Variants in ANKRD33B observed in about 807,000 individuals in gnomAD.
ANKRD33B encodes ankyrin repeat domain 33B.
A neutral mutation model predicts 21.5 loss-of-function variants in ANKRD33B; 6 were observed. The ratio of observed to expected loss-of-function variants is 0.28; its 90% CI spans 0.15 to 0.55. The LOEUF (loss-of-function observed/expected upper bound fraction) is 0.55. Among genes scored for constraint, ANKRD33B ranks in the 20% least tolerant of loss-of-function variants. ANKRD33B has a pLI of 0.94. For missense variants in ANKRD33B, 698 were observed against 747.2 expected, an observed-to-expected ratio of 0.93 and a Z score of 0.77; for synonymous variants, 347 against 342.4, an observed-to-expected ratio of 1.01 and a Z score of -0.15.
intron 1 of ANKRD33B, among the ~76,000 whole-genome samples, chr5:10,565,658 A>G (rs1487729371): frequency 6.6e-6 from 1 of 152,230 alleles, no homozygotes; most frequent in Non-Finnish European, 1.5e-5. Context: ...GGAAAAGAAA[A>G]AAAGTTGGCT....
At chr5:10,599,201 T>C (rs766489095) in intron 1 of ANKRD33B, among the ~76,000 whole-genome samples, 3 of 152,156 alleles carry the variant, frequency 2.0e-5, no homozygotes, top group Non-Finnish European at 4.4e-5. Context: ...AACATAATGG[T>C]TTTGAGATTT....
intron 1 of ANKRD33B, 44 bp downstream of exon 1, chr5:10,564,877 C>G: frequency 1.4e-6 from 2 of 1,460,346 alleles, no homozygotes; most frequent in Admixed American, 2.3e-5. Flanking sequence ...TCACTGCCCC[C>G]ACTCCCCTCC....
At position 10,564,914 on chromosome 5, in the gene ANKRD33B, G is replaced by C. The variant is rs1579704023; in HGVS notation, c.366+81G>C. On this transcript the variant is annotated intron_variant, in intron 1 of 3. Transcript: ENST00000296657. The stretch of plus-strand genomic sequence containing the variant: ...CCCCACCACATCCCCGCGCCTCCCA[G>C]CTCCTGGCTCCGGACCGGTCCCTCG... 2.0e-5 allele frequency: 28 copies of C among 1,426,218 alleles called. No individual in the cohort carries two copies. In the East Asian group the frequency reaches 7.1e-4, roughly 36 times the overall value. 88.3% of individuals were successfully genotyped at this position (1,426,218 alleles called of 1,614,324 possible). A position where few individuals can be genotyped will look rare whatever the true frequency, so the allele number is the denominator to read the frequency against.
chr5:10,626,160 C>T (rs967880708), intron 2 of ANKRD33B, among the ~76,000 whole-genome samples: 2 of 152,250 alleles, frequency 1.3e-5, no homozygotes, highest in African/African-American at 4.8e-5. Context: ...CACCCTGGTC[C>T]CCTGCTGAGC....
intron 1 of ANKRD33B, among the ~76,000 whole-genome samples, chr5:10,570,354 C>A (rs1033565257): frequency 2.0e-5 from 3 of 152,168 alleles, no homozygotes; most frequent in African/African-American, 7.2e-5. Context: ...TGGTCAGCTG[C>A]GAATGGCAAG....
At chr5:10,625,407 G>A (rs72643798) in intron 2 of ANKRD33B, among the ~76,000 whole-genome samples, 38,627 of 152,134 alleles carry the variant, frequency 0.25, 5,575 homozygotes, top group East Asian at 0.63. Flanking sequence ...AAACACACAC[G>A]TATGTATGTG....
chr5:10,620,647 T>C (rs1736400744), intron 2 of ANKRD33B, among the ~76,000 whole-genome samples: 1 of 152,224 alleles, frequency 6.6e-6, no homozygotes, highest in South Asian at 2.1e-4. Flanking sequence ...TGCAGGTGTT[T>C]TGATTTTATA....
At chr5:10,606,141 T>G (rs1736040853) in intron 1 of ANKRD33B, among the ~76,000 whole-genome samples, 1 of 152,176 alleles carries the variant, frequency 6.6e-6, no homozygotes, top group Non-Finnish European at 1.5e-5. Flanking sequence ...GGGAATACAG[T>G]TGAACAAAGT....
intron 1 of ANKRD33B, among the ~76,000 whole-genome samples, chr5:10,570,903 C>CTTTT (rs11301499): frequency 3.9e-5 from 5 of 126,838 alleles, no homozygotes; most frequent in African/African-American, 1.2e-4. Context: ...CTCAAATAAC[C>CTTTT]TTTTTTTTTT....
chr5:10,607,182 A>C (rs1010078342), intron 1 of ANKRD33B, among the ~76,000 whole-genome samples: 1 of 152,224 alleles, frequency 6.6e-6, no homozygotes, highest in African/African-American at 2.4e-5. Context: ...CACACTCAGA[A>C]TAGACTGTGA....
At chr5:10,602,164 G>T (rs781692780) in intron 1 of ANKRD33B, among the ~76,000 whole-genome samples, 3 of 152,222 alleles carry the variant, frequency 2.0e-5, no homozygotes, top group Non-Finnish European at 2.9e-5. Context: ...TCGGTGCCTG[G>T]GTGTAGAGAT....
chr5:10,607,954 C>T (rs10070572), intron 1 of ANKRD33B, among the ~76,000 whole-genome samples: 4 of 152,176 alleles, frequency 2.6e-5, no homozygotes, highest in Admixed American at 6.5e-5. Context: ...GGCGTCCTCT[C>T]GTGACCTGTG....
rs1478185514 is a variant in ANKRD33B, at chr5:10,564,763, G to T, written c.296G>T (p.Gly99Val). ...CGCGCCGCCTGCGCCAACAACGTGG[G>T]GCTGCTGCGGACGCTGGTGCGGCGC... ...LLRAACANNV[G>V]LLRTLVRRGV... is the part of the protein sequence containing the mutation. The change falls in exon 1 of 4, where the codon GGG becomes GTG. Residue 99 changes from glycine (G) to valine (V), a missense_variant. This residue lies in a region of ANKRD33B where 148 missense variants were observed against 154.9 expected (regional missense o/e 0.96). Transcript: ENST00000296657. 6.5e-7 allele frequency: 1 copy of T among 1,527,842 alleles called. No individual in the cohort carries two copies. The highest frequency in any genetic ancestry group is 8.8e-7 in the Non-Finnish European group (1 of 1,141,758). 94.6% of individuals were successfully genotyped at this position (1,527,842 alleles called of 1,614,324 possible).
rs1278556892 is a variant in ANKRD33B at position 10,655,771 on chromosome 5, CTG to C, written c.*5663_*5664del. 6.6e-6 allele frequency: 1 copy of C among 152,436 alleles called. No individual in the cohort carries two copies. The highest frequency in any genetic ancestry group is 1.5e-5 in the Non-Finnish European group (1 of 68,068). 9.4% of individuals were successfully genotyped at this position (152,436 alleles called of 1,614,324 possible). A position where few individuals can be genotyped will look rare whatever the true frequency, so the allele number is the denominator to read the frequency against. On this transcript the variant is annotated 3_prime_UTR_variant, in exon 4 of 4. Coordinates refer to ENST00000296657, the MANE Select transcript of ANKRD33B (RefSeq NM_001164440.2). ...TCCCTCCACCTCCCACGGTGGGTAA[CTG>C]TGTGGATTCTGCACCTGGCAATCGG...
intron 2 of ANKRD33B, among the ~76,000 whole-genome samples, chr5:10,635,846 A>G (rs1335221654): frequency 3.5e-5 from 5 of 144,160 alleles, no homozygotes. Context: ...GGAGGGTTTC[A>G]TATTGGATTT....
At chr5:10,647,178 C>A (rs1297925357) in intron 3 of ANKRD33B, among the ~76,000 whole-genome samples, 2 of 151,620 alleles carry the variant, frequency 1.3e-5, no homozygotes, top group Non-Finnish European at 2.9e-5. Flanking sequence ...GATCTCGGCT[C>A]ACTGCAACCT....
chr5:10,594,402 G>A (rs1735775075), intron 1 of ANKRD33B, among the ~76,000 whole-genome samples: 1 of 151,926 alleles, frequency 6.6e-6, no homozygotes, highest in Non-Finnish European at 1.5e-5. Context: ...ATTTTTAGTA[G>A]AGACAGGGTT....
chr5:10,617,076 C>T (rs930333738), intron 1 of ANKRD33B, among the ~76,000 whole-genome samples: 2 of 152,184 alleles, frequency 1.3e-5, no homozygotes, highest in Admixed American at 6.5e-5. Flanking sequence ...TTTTATAGGA[C>T]ACTAATCCCA....
chr5:10,643,519 A>G (rs531895542), intron 3 of ANKRD33B, among the ~76,000 whole-genome samples: 1 of 152,246 alleles, frequency 6.6e-6, no homozygotes, highest in South Asian at 2.1e-4. Flanking sequence ...CCCTCAAATA[A>G]AAGTGTGACA....
Sources: allele counts gnomAD v4.1 joint callset (sites outside exome capture counted in the v4.1 genomes callset), GRCh38; gene constraint gnomAD v4.1.1; regional missense constraint gnomAD v4.1.1; transcripts MANE v1.5; gene names NCBI Gene and HGNC (gene_info 2026-07-23, HGNC 2026-07-21).